Variants in MALRD1 observed in about 807,000 individuals in gnomAD.
MALRD1 encodes the protein MAM and LDL-receptor class A domain-containing protein 1.
A neutral mutation model predicts 242.1 loss-of-function variants in MALRD1; 247 were observed. The ratio of observed to expected loss-of-function variants is 1.02; its 90% confidence interval spans 0.92 to 1.13. MALRD1 has a LOEUF of 1.13. Ranked by LOEUF, MALRD1 falls within the 50% of genes most tolerant of loss-of-function variation. MALRD1 has a pLI of 0.00. For missense variants in MALRD1, 2,989 were observed against 2,533.1 expected (o/e 1.18, Z -3.86); for synonymous variants, 995 against 866.6 (o/e 1.15, Z -2.60).
chr10:19,450,244 C>A, intron 28 of MALRD1, 63 bp from the exon 29 acceptor site: 4 of 1,394,686 alleles, frequency 2.9e-6, no homozygotes, highest in Non-Finnish European at 3.9e-6. Flanking sequence ...GGGTTTTGCC[C>A]CACACTGCAT....
chr10:19,415,288 G>A (rs1182500499), intron 28 of MALRD1, among the ~76,000 whole-genome samples: 2 of 152,078 alleles, frequency 1.3e-5, no homozygotes, highest in African/African-American at 4.8e-5. Flanking sequence ...ACCTTATCGA[G>A]ATTAGTATAA....
intron 32 of MALRD1, among the ~76,000 whole-genome samples, chr10:19,538,839 A>G (rs533900812): frequency 1.3e-5 from 2 of 152,160 alleles, no homozygotes; most frequent in South Asian, 4.1e-4. Flanking sequence ...AGATAAGTTT[A>G]TATATATATG....
chr10:19,055,704 A>C lies in MALRD1; in HGVS notation c.199+6567A>C, dbSNP rs1484720029. On this transcript the variant is annotated intron_variant, in intron 1 of 39. Coordinates refer to ENST00000454679, the MANE Select transcript of MALRD1 (RefSeq NM_001142308.3). ...TGTTCCTGTCACTTTTGCCAAAGTC[A>C]ATTGACCATCAATGTGTGGGTTGAT... 2.0e-5 allele frequency among the ~76,000 whole-genome samples: 3 copies of C among 152,188 alleles called. No homozygotes were observed. In the East Asian group the frequency reaches 5.8e-4, roughly 29 times the overall value.
intron 36 of MALRD1, among the ~76,000 whole-genome samples, chr10:19,681,916 C>T (rs568885738): frequency 2.0e-5 from 3 of 146,996 alleles, no homozygotes; most frequent in African/African-American, 7.6e-5. Context: ...ATTGCAATGG[C>T]ACAGTCTCAG....
chr10:19,406,647 C>T (rs117376000), intron 28 of MALRD1, among the ~76,000 whole-genome samples: 1 of 151,972 alleles, frequency 6.6e-6, no homozygotes, highest in Non-Finnish European at 1.5e-5. Flanking sequence ...CCAAGGAAAA[C>T]GAAAATGTTT....
intron 29 of MALRD1, among the ~76,000 whole-genome samples, chr10:19,459,271 C>T (rs1487473100): frequency 6.6e-6 from 1 of 152,102 alleles, no homozygotes; most frequent in South Asian, 2.1e-4. Context: ...TGGGTTCAGC[C>T]TTTTGAGGAA....
At chr10:19,468,741 A>G (rs1161206012) in intron 29 of MALRD1, among the ~76,000 whole-genome samples, 2 of 152,048 alleles carry the variant, frequency 1.3e-5, no homozygotes, top group Non-Finnish European at 2.9e-5. Flanking sequence ...AAGACTCTGT[A>G]TCTCTAGTCT....
intron 31 of MALRD1, among the ~76,000 whole-genome samples, chr10:19,530,527 C>A (rs1834364934): frequency 7.0e-6 from 1 of 142,966 alleles, no homozygotes; most frequent in South Asian, 2.1e-4. Context: ...AATGGGACTA[C>A]AAATATTTAA....
Position 19,076,319 on chromosome 10 carries a change from T to G in MALRD1, c.340+9460T>G, listed in dbSNP as rs1263985224. On this transcript the variant is annotated intron_variant, in intron 2 of 39. Transcript: ENST00000454679. ...ACCTATCTTCCATCTATCTATGTACTTACTTATTTATTTATTTACTTCTTC... is the reference window on the plus strand; with the variant it reads ...ACCTATCTTCCATCTATCTATGTACGTACTTATTTATTTATTTACTTCTTC... 2.6e-5 allele frequency among the ~76,000 whole-genome samples: 4 copies of G among 151,924 alleles called. No individual in the cohort carries two copies. The Admixed American group carries it at 2.6e-4, about 10-fold the overall frequency.
At chr10:19,154,953 G>A (rs1834084887) in intron 11 of MALRD1, 122 bp from the exon 12 acceptor site, 1 of 455,850 alleles carries the variant, frequency 2.2e-6, no homozygotes. Context: ...TAGTAAACAT[G>A]TAAAAAATGT....
chr10:19,339,305 G>A (rs1843736248), intron 24 of MALRD1, among the ~76,000 whole-genome samples: 2 of 152,172 alleles, frequency 1.3e-5, no homozygotes, highest in South Asian at 4.2e-4. Flanking sequence ...CTTCTTAAAT[G>A]TGTTTACTAG....
chr10:19,199,343 T>C (rs1263576313), intron 14 of MALRD1, among the ~76,000 whole-genome samples: 1 of 152,238 alleles, frequency 6.6e-6, no homozygotes, highest in Admixed American at 6.5e-5. Flanking sequence ...AGAATAGCTG[T>C]TTAAAAATTG....
intron 26 of MALRD1, among the ~76,000 whole-genome samples, chr10:19,362,174 A>T (rs955408109): frequency 6.6e-6 from 1 of 152,098 alleles, no homozygotes; most frequent in African/African-American, 2.4e-5. Flanking sequence ...ATTTCTTTTT[A>T]TAAACTCTCT....
intron 18 of MALRD1, among the ~76,000 whole-genome samples, chr10:19,243,053 T>A (rs1445750800): frequency 6.8e-6 from 1 of 146,466 alleles, no homozygotes; most frequent in Non-Finnish European, 1.5e-5. Context: ...CTAAGCTTTG[T>A]TTCTTTTCCC....
At chr10:19,106,296 A>G (rs1836460694) in intron 5 of MALRD1, among the ~76,000 whole-genome samples, 1 of 151,802 alleles carries the variant, frequency 6.6e-6, no homozygotes, top group Non-Finnish European at 1.5e-5. Context: ...TAGTGAAGCC[A>G]TCAGGTTCTG....
chr10:19,214,269 C>A (rs1837203429), intron 18 of MALRD1, among the ~76,000 whole-genome samples: 3 of 152,142 alleles, frequency 2.0e-5, no homozygotes, highest in Admixed American at 1.3e-4. Context: ...TCCTGGAGTA[C>A]TGGGCTGGAA....
At chr10:19,404,964 C>A (rs952572785) in intron 28 of MALRD1, among the ~76,000 whole-genome samples, 3 of 152,112 alleles carry the variant, frequency 2.0e-5, no homozygotes, top group African/African-American at 7.2e-5. Flanking sequence ...CTTATAAATG[C>A]ATCCATGAAA....
chr10:19,217,124 G>T (rs1837354182), intron 18 of MALRD1, among the ~76,000 whole-genome samples: 1 of 152,002 alleles, frequency 6.6e-6, no homozygotes, highest in South Asian at 2.1e-4. Context: ...CTCATTTTTG[G>T]ACCTCCTCAC....
chr10:19,635,361 T>A (rs75791730), intron 36 of MALRD1, among the ~76,000 whole-genome samples: 4,285 of 152,198 alleles, frequency 0.028, 180 homozygotes, highest in African/African-American at 0.097. Flanking sequence ...GTGTTTATGA[T>A]CCTCAAAAAC....
Sources: gnomAD v4.1 joint callset for allele counts (sites outside exome capture counted in the v4.1 genomes callset) on GRCh38, gnomAD v4.1.1 for gene constraint, MANE v1.5 for transcripts, NCBI Gene and HGNC (gene_info 2026-07-23, HGNC 2026-07-21) for gene names.